CDH23: variants seen among roughly 807,000 people sequenced by gnomAD.
CDH23 encodes cadherin related 23, also known as cadherin-23.
Under a neutral mutation model 317.1 loss-of-function variants are expected in CDH23, and 189 were observed. The observed-to-expected ratio is 0.60, with a 90% CI of 0.53 to 0.67. CDH23 has a LOEUF of 0.67. CDH23 is among the 30% of genes least tolerant of loss of function. CDH23 has a pLI of 0.00. For missense variants in CDH23, 4,401 were observed against 4,592.4 expected, an observed-to-expected ratio of 0.96 and a Z score of 1.20; for synonymous variants, 1,839 against 1,876.8, an observed-to-expected ratio of 0.98 and a Z score of 0.52.
At chr10:71,787,532 C>A (rs1432578704) in intron 44 of CDH23, among the ~76,000 whole-genome samples, 1 of 145,636 alleles carries the variant, frequency 6.9e-6, no homozygotes, top group Non-Finnish European at 1.5e-5. Context: ...CAACCCTCAC[C>A]CTCTTCCCAT....
chr10:71,680,231 G>A (rs1864560013), intron 17 of CDH23, among the ~76,000 whole-genome samples: 1 of 152,168 alleles, frequency 6.6e-6, no homozygotes, highest in African/African-American at 2.4e-5. Context: ...CTTCCTCCTT[G>A]CCCCTTGGTC....
At chr10:71,567,555 A>T (rs1321313933) in intron 7 of CDH23, among the ~76,000 whole-genome samples, 1 of 152,272 alleles carries the variant, frequency 6.6e-6, no homozygotes, top group Non-Finnish European at 1.5e-5. Flanking sequence ...TGAGGGTCAC[A>T]CAGCCCATGA....
rs372340806 is a variant in CDH23, at chr10:71,645,959, C to T, written c.1269C>T (p.Thr423=). The T allele has an allele frequency of 1.5e-5, 24 of 1,612,842 alleles. No homozygotes were observed. Among genetic ancestry groups the T allele is most frequent in the African/African-American group, 1.1e-4 (8 of 74,830 alleles). Residue 423 remains threonine (T), a synonymous_variant, in exon 13 of 70, where the codon ACC becomes ACT. Coordinates refer to ENST00000224721, the MANE Select transcript of CDH23 (RefSeq NM_022124.6). ...TGGCCATCCCACTGGACTACGAGAC[C>T]GTGGACCGCTACGACTTTGATGTAA... ...IRVAIPLDYE[T]VDRYDFDLFA...
chr10:71,695,815 G>A (rs901078080), intron 22 of CDH23, among the ~76,000 whole-genome samples: 3 of 152,174 alleles, frequency 2.0e-5, no homozygotes, highest in East Asian at 3.9e-4. Flanking sequence ...TTCCGCTTGT[G>A]AGCCACACGT....
intron 6 of CDH23, among the ~76,000 whole-genome samples, chr10:71,520,099 C>T (rs1265113874): frequency 2.0e-5 from 3 of 152,208 alleles, no homozygotes; most frequent in Non-Finnish European, 2.9e-5. Context: ...TGAGCCCTCT[C>T]GCCTGACCTG....
intron 34 of CDH23, among the ~76,000 whole-genome samples, chr10:71,737,460 G>T (rs1839598008): frequency 6.6e-6 from 1 of 152,252 alleles, no homozygotes; most frequent in African/African-American, 2.4e-5. Context: ...CCTACAGATA[G>T]GGGAGTGTGG....
chr10:71,664,194 G>A (rs74379742), intron 14 of CDH23, among the ~76,000 whole-genome samples: 2,544 of 152,226 alleles, frequency 0.017, 70 homozygotes, highest in African/African-American at 0.058. Flanking sequence ...GCAGACACCG[G>A]CCACCCTGAC....
intron 6 of CDH23, among the ~76,000 whole-genome samples, chr10:71,553,312 C>G (rs1327915629): frequency 1.3e-5 from 2 of 152,156 alleles, no homozygotes; most frequent in Non-Finnish European, 2.9e-5. Context: ...CTCCTCAAAC[C>G]CCCCGGCCCT....
At chr10:71,735,205 C>T (rs932607408) in intron 34 of CDH23, among the ~76,000 whole-genome samples, 1 of 152,150 alleles carries the variant, frequency 6.6e-6, no homozygotes, top group Admixed American at 6.5e-5. Context: ...GGGGTTGGTG[C>T]AAGTGTGTGG....
intron 18 of CDH23, among the ~76,000 whole-genome samples, chr10:71,686,367 T>G (rs1029807806): frequency 3.9e-5 from 6 of 151,962 alleles, no homozygotes; most frequent in African/African-American, 1.5e-4. Context: ...CTGAGACTGC[T>G]GGGTATCTGG....
At chr10:71,614,579 A>G (rs1476597495) in intron 9 of CDH23, among the ~76,000 whole-genome samples, 2 of 152,228 alleles carry the variant, frequency 1.3e-5, no homozygotes, top group African/African-American at 2.4e-5. Flanking sequence ...GGGAGATCCA[A>G]TGAACACCCA....
intron 3 of CDH23, among the ~76,000 whole-genome samples, chr10:71,451,841 T>C (rs1850460662): frequency 6.6e-6 from 1 of 152,210 alleles, no homozygotes; most frequent in South Asian, 2.1e-4. Flanking sequence ...AGTGCATGTC[T>C]GGACTTGGTG....
At chr10:71,578,087 G>A in intron 9 of CDH23, 95 bp downstream of exon 9, 4 of 1,266,958 alleles carry the variant, frequency 3.2e-6, no homozygotes, top group Non-Finnish European at 3.4e-6. Context: ...CTAAGGAGAG[G>A]TCTGCGGGCA....
chr10:71,732,251 C>T lies in CDH23; in HGVS notation c.3980C>T (p.Ala1327Val), dbSNP rs771796235. The T allele has an allele frequency of 6.2e-7, 1 of 1,613,728 alleles. No individual in the cohort carries two copies. The highest frequency in any genetic ancestry group is 8.5e-7 in the Non-Finnish European group (1 of 1,179,744). The change falls in exon 32 of 70, where the codon GCA becomes GTA. Residue 1327 changes from alanine (A) to valine (V), a missense_variant. Physicochemically the swap from Ala to Val is moderately conservative, Grantham distance 64 (BLOSUM62 0). Transcript: ENST00000224721. Reference protein sequence around the residue: ...SYEAAILENLALGTEIVRVQA... With the variant: ...SYEAAILENLVLGTEIVRVQA... ...GAGGCTGCCATCCTGGAGAATCTGG[C>T]ACTGGGTACTGAGATTGTGCGGGTC...
chr10:71,480,756 A>G (rs942448837), intron 3 of CDH23, among the ~76,000 whole-genome samples: 1 of 151,836 alleles, frequency 6.6e-6, no homozygotes, highest in African/African-American at 2.4e-5. Context: ...GAGTGTAGGG[A>G]GACTGGATGG....
At chr10:71,492,327 G>A (rs932249917) in intron 3 of CDH23, among the ~76,000 whole-genome samples, 7 of 152,184 alleles carry the variant, frequency 4.6e-5, no homozygotes, top group African/African-American at 1.7e-4. Flanking sequence ...AGACTGGAAG[G>A]GTAGATACTA....
At chr10:71,726,829 C>T (rs61852057) in intron 30 of CDH23, among the ~76,000 whole-genome samples, 23,886 of 152,282 alleles carry the variant, frequency 0.16, 2,059 homozygotes, top group South Asian at 0.32. Flanking sequence ...CCTCGCTCCC[C>T]GCTCCCTCAC....
intron 50 of CDH23, 150 bp from the exon 51 acceptor site, chr10:71,798,961 G>T: frequency 1.5e-6 from 1 of 679,170 alleles, no homozygotes. Context: ...CCTCCCTGCC[G>T]TGTGCCCTGC....
At position 71,784,337 on chromosome 10, in the gene CDH23, G is replaced by A. The variant is rs143993990; in HGVS notation, c.5419G>A (p.Val1807Met). Residue 1807 changes from valine (V) to methionine (M), a missense_variant, in exon 42 of 70, where the codon GTG becomes ATG. By Grantham distance (21) the Val-to-Met change is conservative (BLOSUM62 1). Coordinates refer to ENST00000224721, the MANE Select transcript of CDH23 (RefSeq NM_022124.6). ...VEGVLRVRKD[V>M]ELDRETIAFY... ...GGGGGTGCTAAGGGTCCGGAAGGACGTGGAGCTGGACCGGGAGACCATCGC... is the reference window on the plus strand; with the variant it reads ...GGGGGTGCTAAGGGTCCGGAAGGACATGGAGCTGGACCGGGAGACCATCGC... 950 of 1,613,942 alleles carry A rather than the reference G, an allele frequency of 5.9e-4. 8 individuals are homozygous for A. The African/African-American group carries it at 9.4e-3, about 16-fold the overall frequency.
Sources: gnomAD v4.1 joint callset for allele counts (sites outside exome capture counted in the v4.1 genomes callset) on GRCh38, gnomAD v4.1.1 for gene constraint, MANE v1.5 for transcripts, NCBI Gene and HGNC (gene_info 2026-07-23, HGNC 2026-07-21) for gene names.